Variants in MAP3K5 observed in about 807,000 individuals in gnomAD.
The protein encoded by MAP3K5 is ASK-1.
Under a neutral mutation model 158.7 loss-of-function variants are expected in MAP3K5, and 56 were observed. The observed-to-expected ratio is 0.35, with a 90% confidence interval of 0.28 to 0.44. The LOEUF (loss-of-function observed/expected upper bound fraction) is 0.44, where lower values mean the gene tolerates loss of function less well. Ranked by LOEUF, MAP3K5 falls within the 20% of genes least tolerant of loss-of-function variation. The pLI, the probability that MAP3K5 is intolerant of heterozygous loss-of-function variation, is 1.00. For synonymous variants in MAP3K5, 579 were observed against 601.7 expected, an observed-to-expected ratio of 0.96 and a Z score of 0.55; for missense variants, 1,294 against 1,674.8, an observed-to-expected ratio of 0.77 and a Z score of 3.97.
At chr6:136,742,514 T>C (rs1174240731) in intron 1 of MAP3K5, among the ~76,000 whole-genome samples, 1 of 151,264 alleles carries the variant, frequency 6.6e-6, no homozygotes, top group East Asian at 1.9e-4. Context: ...AAATGGATCA[T>C]AGTTCTAAAT....
chr6:136,715,349 T>A (rs1781473890), intron 2 of MAP3K5, among the ~76,000 whole-genome samples: 1 of 152,220 alleles, frequency 6.6e-6, no homozygotes, highest in South Asian at 2.1e-4. Context: ...TAGCAACCTT[T>A]TCCTTTTTTA....
chr6:136,754,716 G>T (rs556640528), intron 1 of MAP3K5, among the ~76,000 whole-genome samples: 14 of 152,220 alleles, frequency 9.2e-5, no homozygotes, highest in Non-Finnish European at 1.9e-4. Context: ...ATGTCCAGAA[G>T]AATGCTTCGG....
At position 136,614,223 on chromosome 6, in the gene MAP3K5, G is replaced by A; in HGVS notation, c.2214C>T (p.Val738=). ...TCTCACTGAAAGAGCCCAGATACTG[G>A]ACAATATTTTTGTGCTTCAGGTGTT... ...LHKHLKHKNI[V]QYLGSFSENG... Residue 738 remains valine, a synonymous_variant, in exon 16 of 30, where the codon GTC becomes GTT. Transcript: ENST00000359015. 1 of 1,613,654 alleles carries A rather than the reference G, an allele frequency of 6.2e-7. No homozygotes were observed. Among genetic ancestry groups the A allele is most frequent in the Admixed American group, 1.7e-5 (1 of 60,016 alleles).
chr6:136,723,607 A>T (rs1164109328), intron 1 of MAP3K5, among the ~76,000 whole-genome samples: 1 of 152,236 alleles, frequency 6.6e-6, no homozygotes, highest in Admixed American at 6.5e-5. Context: ...ATATAAAATG[A>T]ACAACATTCA....
intron 14 of MAP3K5, among the ~76,000 whole-genome samples, chr6:136,625,388 AG>A (rs1321283165): frequency 2.6e-5 from 4 of 152,246 alleles, no homozygotes; most frequent in African/African-American, 9.6e-5. Flanking sequence ...AGGAGGGGAT[AG>A]GAAGTATGGC....
chr6:136,696,108 C>G (rs1780590946), intron 5 of MAP3K5, 51 bp from the exon 6 acceptor site: 2 of 1,067,292 alleles, frequency 1.9e-6, no homozygotes. Flanking sequence ...GGAGAAAATT[C>G]TCACAATAAC....
At chr6:136,579,757 T>C (rs1774784950) in intron 25 of MAP3K5, 1 of 454,286 alleles carries the variant, frequency 2.2e-6, no homozygotes, top group Non-Finnish European at 4.4e-6. Context: ...AATCTCTGTA[T>C]CTTCCACTCA....
At position 136,699,966 on chromosome 6, in the gene MAP3K5, C is replaced by T. The variant is rs1160882663; in HGVS notation, c.613-1284G>A. 2.6e-5 allele frequency among the ~76,000 whole-genome samples: 4 copies of T among 152,140 alleles called. No individual in the cohort carries two copies. The South Asian group carries it at 6.2e-4, about 24-fold the overall frequency. ...AAAATTATCCAGGTGGGGTGGTGCA[C>T]GCCCTTAATCCCAGCTACTCAGGAG... On this transcript the variant is annotated intron_variant, in intron 3 of 29. Transcript: ENST00000359015.
chr6:136,569,979 C>A (rs1344093086), intron 25 of MAP3K5, among the ~76,000 whole-genome samples: 1 of 152,184 alleles, frequency 6.6e-6, no homozygotes, highest in Non-Finnish European at 1.5e-5. Context: ...TACTAAAAAT[C>A]TGATGAAAGT....
intron 1 of MAP3K5, among the ~76,000 whole-genome samples, chr6:136,767,668 C>T (rs983956231): frequency 6.6e-6 from 1 of 152,068 alleles, no homozygotes; most frequent in African/African-American, 2.4e-5. Context: ...ATCTAACTGC[C>T]TTTTTTGCAG....
At chr6:136,733,941 C>A (rs980556394) in intron 1 of MAP3K5, among the ~76,000 whole-genome samples, 1 of 152,028 alleles carries the variant, frequency 6.6e-6, no homozygotes, top group African/African-American at 2.4e-5. Context: ...GACCATAACA[C>A]CCTAAAAATC....
rs571209769 is a variant in MAP3K5 at position 136,721,586 on chromosome 6, A to C, written c.449-997T>G. On this transcript the variant is annotated intron_variant, in intron 1 of 29. Coordinates refer to ENST00000359015, the MANE Select transcript of MAP3K5 (RefSeq NM_005923.4). ...TATGAAAGAAAAACTAACAAAATGT[A>C]CCAAGTGTTATAAGACCTAGATCGT... Among the ~76,000 whole-genome samples, 12 of 152,272 alleles carry C rather than the reference A, an allele frequency of 7.9e-5. 1 individual carries two copies. Among genetic ancestry groups the C allele is most frequent in the Non-Finnish European group, 5.9e-5 (4 of 68,042 alleles).
intron 14 of MAP3K5, among the ~76,000 whole-genome samples, chr6:136,631,222 T>A (rs1247589328): frequency 6.6e-6 from 1 of 152,210 alleles, no homozygotes; most frequent in East Asian, 1.9e-4. Flanking sequence ...CTTTTCCCCG[T>A]TCCCAACAGA....
intron 14 of MAP3K5, among the ~76,000 whole-genome samples, chr6:136,632,060 G>A (rs1223569065): frequency 6.6e-6 from 1 of 152,198 alleles, no homozygotes; most frequent in South Asian, 2.1e-4. Flanking sequence ...GAGGAGAAAA[G>A]TTTGTGAGGT....
intron 1 of MAP3K5, among the ~76,000 whole-genome samples, chr6:136,724,651 A>G (rs879654989): frequency 2.0e-5 from 3 of 152,208 alleles, no homozygotes; most frequent in Non-Finnish European, 4.4e-5. Flanking sequence ...AGAACACTGA[A>G]AGGTGCTTAT....
At chr6:136,774,963 T>C (rs1784349994) in intron 1 of MAP3K5, among the ~76,000 whole-genome samples, 1 of 152,230 alleles carries the variant, frequency 6.6e-6, no homozygotes, top group Admixed American at 6.5e-5. Context: ...ATATCACGTA[T>C]GATGCAAGAC....
At chr6:136,705,021 T>TA (rs1388665750) in intron 3 of MAP3K5, 89 bp downstream of exon 3, 1 of 643,278 alleles carries the variant, frequency 1.6e-6, no homozygotes, top group Non-Finnish European at 2.6e-6. Flanking sequence ...TATAAATTAA[T>TA]AATTTGTGGA....
intron 12 of MAP3K5, among the ~76,000 whole-genome samples, chr6:136,642,050 T>TA (rs60015920): frequency 3.1e-5 from 4 of 130,908 alleles, no homozygotes; most frequent in Admixed American, 1.6e-4. Context: ...TAAAATAAAA[T>TA]AAAATAAAAT....
At chr6:136,585,027 C>T (rs910177474) in intron 23 of MAP3K5, among the ~76,000 whole-genome samples, 4 of 151,970 alleles carry the variant, frequency 2.6e-5, no homozygotes, top group Admixed American at 6.6e-5. Flanking sequence ...AAGAACGGAC[C>T]GATGGACTAT....
Sources: gnomAD v4.1 joint callset for allele counts (sites outside exome capture counted in the v4.1 genomes callset) on GRCh38, gnomAD v4.1.1 for gene constraint, MANE v1.5 for transcripts, NCBI Gene and HGNC (gene_info 2026-07-23, HGNC 2026-07-21) for gene names.